Variants in PRPF3 observed in about 807,000 individuals in gnomAD.
PRPF3 encodes pre-mRNA processing factor 3.
PRPF3 carries 3 observed loss-of-function variants against 89.2 expected under a neutral mutation model. That is an observed-to-expected ratio of 0.03 (90% CI 0.02 to 0.09). PRPF3 has a LOEUF of 0.09. PRPF3 is among the 10% of genes least tolerant of loss of function. The pLI is 1.00. For missense variants in PRPF3, 463 were observed against 828.8 expected, an observed-to-expected ratio of 0.56 and a Z score of 5.42; for synonymous variants, 270 against 289.1, an observed-to-expected ratio of 0.93 and a Z score of 0.67.
At chr1:150,325,933 A>G (rs1655664166) in intron 3 of PRPF3, 52 bp downstream of exon 3, 1 of 1,599,018 alleles carries the variant, frequency 6.3e-7, no homozygotes, top group Admixed American at 1.7e-5. Flanking sequence ...GAATGGTAAC[A>G]GAGTTGCTGA....
At chr1:150,337,820 A>G (rs1045426630) in intron 7 of PRPF3, among the ~76,000 whole-genome samples, 4 of 151,752 alleles carry the variant, frequency 2.6e-5, no homozygotes, top group Admixed American at 1.3e-4. Context: ...CATGCCTGTA[A>G]TCCCATCACT....
chr1:150,324,033 C>A (rs190168575), intron 1 of PRPF3, among the ~76,000 whole-genome samples: 1 of 152,234 alleles, frequency 6.6e-6, no homozygotes, highest in Non-Finnish European at 1.5e-5. Flanking sequence ...CCTGCCTCAG[C>A]CTCCCAAAGT....
At chr1:150,329,503 G>T (rs1656091838) in intron 4 of PRPF3, among the ~76,000 whole-genome samples, 1 of 152,128 alleles carries the variant, frequency 6.6e-6, no homozygotes, top group African/African-American at 2.4e-5. Context: ...TAAATGAAAT[G>T]ATCAGAACTC....
rs1658520621 is a variant in PRPF3 at position 150,348,440 on chromosome 1, A to G, written c.1844-717A>G. Among the ~76,000 whole-genome samples, 3 of 136,624 alleles carry G rather than the reference A, an allele frequency of 2.2e-5. No homozygotes were observed. In the South Asian group the frequency reaches 6.6e-4, roughly 30 times the overall value. 89.6% of individuals were successfully genotyped at this position (136,624 alleles called of 152,430 possible). A position where few individuals can be genotyped will look rare whatever the true frequency, so the allele number is the denominator to read the frequency against. On this transcript the variant is annotated intron_variant, in intron 14 of 15. Transcript: ENST00000324862. ...ATCTTAAGATACCTGAGAATAAAAA[A>G]TATTTTGTTCTACACGTGCATTTTT...
At chr1:150,351,963 C>T (rs1329849938) in intron 15 of PRPF3, among the ~76,000 whole-genome samples, 1 of 152,126 alleles carries the variant, frequency 6.6e-6, no homozygotes, top group Non-Finnish European at 1.5e-5. Flanking sequence ...CAGAAATAAG[C>T]CAAGTTCTGC....
intron 1 of PRPF3, among the ~76,000 whole-genome samples, chr1:150,324,690 A>C (rs1301445658): frequency 6.6e-6 from 1 of 151,828 alleles, no homozygotes; most frequent in Admixed American, 6.6e-5. Flanking sequence ...GATTACAGGC[A>C]CATGCCACCA....
chr1:150,353,178 T>A lies in PRPF3; in HGVS notation c.*199T>A. The stretch of plus-strand genomic sequence containing the variant: ...TTTATTCCCCTTATGTGCATATGAT[T>A]AAAGAGTTATTTTTAAACTTGGTGT... On this transcript the variant is annotated 3_prime_UTR_variant, in exon 16 of 16. Transcript: ENST00000324862. 1 of 628,382 alleles carries A rather than the reference T, an allele frequency of 1.6e-6. No homozygotes were observed. Among genetic ancestry groups the A allele is most frequent in the Non-Finnish European group, 2.8e-6 (1 of 353,106 alleles). The allele number at this position is 628,382 out of a possible 1,614,324, so 38.9% of individuals were successfully genotyped here. A position where few individuals can be genotyped will look rare whatever the true frequency, so the allele number is the denominator to read the frequency against.
At chr1:150,347,678 T>C (rs1658435131) in intron 14 of PRPF3, among the ~76,000 whole-genome samples, 1 of 151,406 alleles carries the variant, frequency 6.6e-6, no homozygotes. Flanking sequence ...CAGTAAGCTG[T>C]GATCGCACCA....
chr1:150,343,304 G>T lies in PRPF3; in HGVS notation c.1283-5G>T. On this transcript the variant is annotated splice_polypyrimidine_tract_variant and splice_region_variant and intron_variant, in intron 9 of 15. Transcript: ENST00000324862. The stretch of plus-strand genomic sequence containing the variant: ...CTTTGGTATACTAATATCTCTGCCT[G>T]ACAGTTGACAATGACACACCAGTTA... 6.2e-7 allele frequency: 1 copy of T among 1,607,224 alleles called. No homozygotes were observed. The highest frequency in any genetic ancestry group is 1.1e-5 in the South Asian group (1 of 90,854).
chr1:150,348,418 T>C lies in PRPF3; in HGVS notation c.1844-739T>C, dbSNP rs117512971. On this transcript the variant is annotated intron_variant, in intron 14 of 15. Coordinates refer to ENST00000324862, the MANE Select transcript of PRPF3 (RefSeq NM_004698.4). ...AAATAAAATCTGCAGAGAGTTCATCTTAAGATACCTGAGAATAAAAAATAT... is the reference window on the plus strand; with the variant it reads ...AAATAAAATCTGCAGAGAGTTCATCCTAAGATACCTGAGAATAAAAAATAT... 9.2e-3 allele frequency among the ~76,000 whole-genome samples: 1,324 copies of C among 143,432 alleles called. 52 individuals are homozygous for C. The highest frequency in any genetic ancestry group is 0.065 in the Admixed American group (898 of 13,876). 94.1% of individuals were successfully genotyped at this position (143,432 alleles called of 152,430 possible). A position where few individuals can be genotyped will look rare whatever the true frequency, so the allele number is the denominator to read the frequency against.
intron 12 of PRPF3, among the ~76,000 whole-genome samples, chr1:150,345,257 C>T (rs2102014712): frequency 6.6e-6 from 1 of 152,140 alleles, no homozygotes; most frequent in South Asian, 2.1e-4. Context: ...CCCTTAGAAC[C>T]ACTCTCTTTA....
chr1:150,344,112 A>T (rs781918746), intron 10 of PRPF3, 50 bp from the exon 11 acceptor site: 25 of 1,493,942 alleles, frequency 1.7e-5, no homozygotes, highest in Non-Finnish European at 2.1e-5. Context: ...AAGTTACTCC[A>T]GCTGGAGAAG....
At chr1:150,342,921 GGC>G (rs782032729) in intron 9 of PRPF3, among the ~76,000 whole-genome samples, 3 of 152,152 alleles carry the variant, frequency 2.0e-5, no homozygotes, top group Admixed American at 6.6e-5. Flanking sequence ...CTCCCACCTT[GGC>G]CTATCAAAGT....
intron 14 of PRPF3, among the ~76,000 whole-genome samples, chr1:150,346,920 A>G (rs1161326267): frequency 1.3e-5 from 2 of 152,060 alleles, no homozygotes; most frequent in Non-Finnish European, 2.9e-5. Flanking sequence ...GTGAAACCCC[A>G]TATCTACAAA....
chr1:150,346,103 C>T lies in PRPF3; in HGVS notation c.1726C>T (p.His576Tyr). 6.2e-7 allele frequency: 1 copy of T among 1,614,148 alleles called. No homozygotes were observed. The highest frequency in any genetic ancestry group is 8.5e-7 in the Non-Finnish European group (1 of 1,180,014). ...QLYLTGVVVL[H>Y]KDVNVVVVEG... ...GTACCTGACAGGGGTGGTGGTACTG[C>T]ACAAGGATGTCAACGTGGTAGTAGT... Residue 576 changes from histidine to tyrosine, a missense_variant, in exon 13 of 16, where the codon CAC becomes TAC. By Grantham distance (83) the His-to-Tyr change is moderately conservative. This residue lies in a region of PRPF3 where 261 missense variants were observed against 475.8 expected (regional missense o/e 0.55). Transcript: ENST00000324862.
At chr1:150,323,679 A>G (rs587654883) in intron 1 of PRPF3, among the ~76,000 whole-genome samples, 4 of 152,048 alleles carry the variant, frequency 2.6e-5, no homozygotes, top group East Asian at 3.9e-4. Flanking sequence ...AGGATCATCA[A>G]GTCAGCTGAT....
intron 3 of PRPF3, chr1:150,327,651 C>G: frequency 1.0e-6 from 1 of 985,310 alleles, no homozygotes; most frequent in Non-Finnish European, 1.2e-6. Flanking sequence ...AGCCTACCAC[C>G]GGTGTGTACA....
At chr1:150,352,147 T>C (rs1659002224) in intron 15 of PRPF3, among the ~76,000 whole-genome samples, 1 of 152,166 alleles carries the variant, frequency 6.6e-6, no homozygotes. Context: ...CAGTTGTTCT[T>C]TGTTGCTGGG....
chr1:150,332,757 C>A lies in PRPF3; in HGVS notation c.497C>A (p.Pro166His). Residue 166 changes from proline (P) to histidine (H), a missense_variant, in exon 5 of 16, where the codon CCT (proline) becomes CAT (histidine). By Grantham distance (77) the Pro-to-His change is moderately conservative. This residue lies in a region of PRPF3 where 38 missense variants were observed against 48.3 expected (regional missense o/e 0.79). Coordinates refer to ENST00000324862, the MANE Select transcript of PRPF3 (RefSeq NM_004698.4). ...AAACAGCTGAGCTTCATTAGCCCCC[C>A]TACACCTCAGGTATTGTGTCTAGAT... is the stretch of plus-strand genomic sequence containing the variant. ...RKKQLSFISPPTPQPKTPSSS... is the reference protein window; with the variant it reads ...RKKQLSFISPHTPQPKTPSSS... The A allele has an allele frequency of 6.2e-7, 1 of 1,614,066 alleles. No individual in the cohort carries two copies. Among genetic ancestry groups the A allele is most frequent in the South Asian group, 1.1e-5 (1 of 91,078 alleles).
Sources: gnomAD v4.1 joint callset for allele counts (sites outside exome capture counted in the v4.1 genomes callset) on GRCh38, gnomAD v4.1.1 for gene constraint, gnomAD v4.1.1 regional missense constraint, MANE v1.5 for transcripts, NCBI Gene and HGNC (gene_info 2026-07-23, HGNC 2026-07-21) for gene names.